Variants in CSMD1 observed in about 807,000 individuals in gnomAD.
CSMD1 encodes CUB and Sushi multiple domains 1.
In CSMD1, 213 loss-of-function variants were observed where a neutral mutation model predicts 417.5. The ratio of observed to expected loss-of-function variants is 0.51; its 90% CI spans 0.46 to 0.57. The LOEUF (loss-of-function observed/expected upper bound fraction) is 0.57, where lower values mean the gene tolerates loss of function less well. Ranked by LOEUF, CSMD1 falls within the 20% of genes least tolerant of loss-of-function variation. CSMD1 has a pLI of 0.00. For synonymous variants in CSMD1, 2,862 were observed against 1,736.8 expected (o/e 1.65, Z -16.11); for missense variants, 6,923 against 4,529.7 (o/e 1.53, Z -15.17).
chr8:3,101,967 A>T (rs1304285524), intron 46 of CSMD1, among the ~76,000 whole-genome samples: 2 of 151,724 alleles, frequency 1.3e-5, no homozygotes, highest in East Asian at 3.9e-4. Context: ...ACATCTGGCT[A>T]ATTTTTGTAT....
At chr8:3,887,146 G>C (rs1806622268) in intron 5 of CSMD1, among the ~76,000 whole-genome samples, 1 of 152,138 alleles carries the variant, frequency 6.6e-6, no homozygotes, top group African/African-American at 2.4e-5. Flanking sequence ...GGGTGAGGAT[G>C]ATGGCATGCG....
At chr8:4,018,620 C>CA (rs1301130333) in intron 4 of CSMD1, among the ~76,000 whole-genome samples, 2 of 152,220 alleles carry the variant, frequency 1.3e-5, no homozygotes, top group African/African-American at 4.8e-5. Context: ...ATTCAGGATT[C>CA]AAGCACATGT....
intron 5 of CSMD1, among the ~76,000 whole-genome samples, chr8:3,832,151 C>T (rs1802415336): frequency 6.6e-6 from 1 of 152,092 alleles, no homozygotes; most frequent in Admixed American, 6.6e-5. Context: ...ATGGGCCAGC[C>T]TCTGAAAATT....
chr8:3,760,123 A>G lies in CSMD1; in HGVS notation c.819-6081T>C, dbSNP rs146472548. On this transcript the variant is annotated intron_variant, in intron 5 of 69. Transcript: ENST00000635120. ...AAGTGAGAAAAAGAGTAAAAGAGTA[A>G]CAGGCTGAGAAAGGGTCTTCTTAAG... 9.0e-4 allele frequency among the ~76,000 whole-genome samples: 137 copies of G among 152,176 alleles called. No individual in the cohort carries two copies. In the East Asian group the frequency reaches 0.025, roughly 28 times the overall value.
At chr8:3,962,677 T>C (rs1812408162) in intron 5 of CSMD1, among the ~76,000 whole-genome samples, 1 of 152,066 alleles carries the variant, frequency 6.6e-6, no homozygotes, top group Admixed American at 6.5e-5. Context: ...TCAGAGCAGC[T>C]GGGTGGGGAG....
chr8:3,926,737 T>TTTA (rs1809757290), intron 5 of CSMD1, among the ~76,000 whole-genome samples: 1 of 138,910 alleles, frequency 7.2e-6, no homozygotes, highest in East Asian at 2.2e-4. Context: ...TTTTTTTTTT[T>TTTA]ATGGAGTCCC....
chr8:4,859,805 G>C (rs892451028), intron 1 of CSMD1, among the ~76,000 whole-genome samples: 12 of 152,104 alleles, frequency 7.9e-5, no homozygotes, highest in African/African-American at 2.4e-4. Context: ...CTTTGACACT[G>C]TTGGTGGGAC....
chr8:4,035,956 G>C (rs1049736820), intron 3 of CSMD1, among the ~76,000 whole-genome samples: 2 of 152,114 alleles, frequency 1.3e-5, no homozygotes, highest in Admixed American at 1.3e-4. Context: ...TTCACGGTAA[G>C]TGTCCTATGA....
At chr8:4,085,968 T>G (rs1185311334) in intron 3 of CSMD1, among the ~76,000 whole-genome samples, 1 of 152,090 alleles carries the variant, frequency 6.6e-6, no homozygotes, top group Non-Finnish European at 1.5e-5. Flanking sequence ...CAATCTACAA[T>G]TACCTTGAAA....
chr8:3,283,083 C>A (rs914394040), intron 26 of CSMD1, among the ~76,000 whole-genome samples: 1 of 152,116 alleles, frequency 6.6e-6, no homozygotes, highest in Non-Finnish European at 1.5e-5. Context: ...TGGCAACTAT[C>A]TTTAGGAGAT....
intron 1 of CSMD1, among the ~76,000 whole-genome samples, chr8:4,642,026 C>A (rs1453088507): frequency 3.3e-5 from 5 of 152,164 alleles, no homozygotes; most frequent in Non-Finnish European, 2.9e-5. Context: ...TAAATACTTG[C>A]CAGTCCTGCA....
intron 5 of CSMD1, among the ~76,000 whole-genome samples, chr8:3,879,185 C>G (rs1183395280): frequency 6.6e-6 from 1 of 152,092 alleles, no homozygotes; most frequent in Non-Finnish European, 1.5e-5. Flanking sequence ...TTTATTACAG[C>G]ACACTTCTCT....
intron 1 of CSMD1, among the ~76,000 whole-genome samples, chr8:4,925,095 A>T (rs777710550): frequency 2.0e-5 from 3 of 152,186 alleles, no homozygotes; most frequent in Non-Finnish European, 4.4e-5. Flanking sequence ...ATATATTATG[A>T]CAGAATGAAC....
intron 3 of CSMD1, among the ~76,000 whole-genome samples, chr8:4,344,309 T>G (rs1192326176): frequency 6.6e-6 from 1 of 152,150 alleles, no homozygotes; most frequent in Non-Finnish European, 1.5e-5. Context: ...ACAAAACATT[T>G]CAGACGTGGC....
At chr8:4,589,585 C>A (rs1260133024) in intron 2 of CSMD1, among the ~76,000 whole-genome samples, 1 of 152,158 alleles carries the variant, frequency 6.6e-6, no homozygotes, top group Non-Finnish European at 1.5e-5. Flanking sequence ...GACTTGCTTG[C>A]ATTATTAATT....
At chr8:3,448,681 G>A (rs1404760973) in intron 12 of CSMD1, among the ~76,000 whole-genome samples, 2 of 152,128 alleles carry the variant, frequency 1.3e-5, no homozygotes, top group African/African-American at 2.4e-5. Flanking sequence ...CATGACCCAT[G>A]ACCTTCAGGA....
intron 6 of CSMD1, among the ~76,000 whole-genome samples, chr8:3,722,309 A>G (rs909414631): frequency 1.3e-5 from 2 of 152,136 alleles, no homozygotes; most frequent in Non-Finnish European, 2.9e-5. Context: ...CTCCATCTCA[A>G]ATAAATAAAT....
At chr8:3,325,329 C>T (rs1186297914) in intron 23 of CSMD1, among the ~76,000 whole-genome samples, 1 of 152,190 alleles carries the variant, frequency 6.6e-6, no homozygotes, top group African/African-American at 2.4e-5. Context: ...TGTCATCGCT[C>T]CTATCATAAC....
At chr8:2,945,230 G>A (rs139254549) in intron 68 of CSMD1, among the ~76,000 whole-genome samples, 64 of 152,208 alleles carry the variant, frequency 4.2e-4, no homozygotes, top group African/African-American at 1.3e-3. Context: ...CAATGTACTC[G>A]TAATATGTGT....
Sources: gnomAD v4.1 joint callset for allele counts (sites outside exome capture counted in the v4.1 genomes callset) on GRCh38, gnomAD v4.1.1 for gene constraint, MANE v1.5 for transcripts, NCBI Gene and HGNC (gene_info 2026-07-23, HGNC 2026-07-21) for gene names.